WNK1: variants seen among roughly 807,000 people sequenced by gnomAD.
WNK1 encodes WNK lysine deficient protein kinase 1.
Under a neutral mutation model 222.8 loss-of-function variants are expected in WNK1, and 38 were observed. That is an observed-to-expected ratio of 0.17 (90% CI 0.13 to 0.22). WNK1 has a LOEUF of 0.22. Among genes scored for constraint, WNK1 ranks in the 10% least tolerant of loss-of-function variants. The probability of loss-of-function intolerance (pLI) is 1.00; values close to 1 mark genes in which losing one functional copy is unlikely to be tolerated. For synonymous variants in WNK1, 1,090 were observed against 1,092.9 expected, an observed-to-expected ratio of 1.00 and a Z score of 0.05; for missense variants, 2,348 against 2,918.4, an observed-to-expected ratio of 0.80 and a Z score of 4.50.
chr12:843,155 T>G (rs1949760044), intron 4 of WNK1, among the ~76,000 whole-genome samples: 1 of 152,178 alleles, frequency 6.6e-6, no homozygotes, highest in South Asian at 2.1e-4. Context: ...CAGGCTGTTC[T>G]GGAACTCCTG....
At chr12:772,814 A>G (rs1942687091) in intron 1 of WNK1, among the ~76,000 whole-genome samples, 2 of 152,166 alleles carry the variant, frequency 1.3e-5, no homozygotes, top group African/African-American at 4.8e-5. Flanking sequence ...TTTCACTTCC[A>G]GTCTTTGTTC....
rs1955788348 is a variant in WNK1 at position 907,267 on chromosome 12, G to A, written c.6644-580G>A. Among the ~76,000 whole-genome samples the A allele has an allele frequency of 2.0e-5, 3 of 151,076 alleles. No homozygotes were observed. In the South Asian group the frequency reaches 6.3e-4, roughly 32 times the overall value. ...ACCCAGGAGGCAGGGGTTGCAGTTAGGTAGGATCGTACCACTGCACTCCAG... is the reference window on the plus strand; with the variant it reads ...ACCCAGGAGGCAGGGGTTGCAGTTAAGTAGGATCGTACCACTGCACTCCAG... On this transcript the variant is annotated intron_variant, in intron 26 of 27. Transcript: ENST00000315939.
In WNK1 at chr12:895,649, G is replaced by A. The variant is rs184333881; in HGVS notation, c.5584-422G>A. On this transcript the variant is annotated intron_variant, in intron 23 of 27. Coordinates refer to ENST00000315939, the MANE Select transcript of WNK1 (RefSeq NM_018979.4). ...AATTTTTGTATTTTTAGTAGAGACAGGGTTTCACCACGTTGGCCAGGCTGA... is the reference window on the plus strand; with the variant it reads ...AATTTTTGTATTTTTAGTAGAGACAAGGTTTCACCACGTTGGCCAGGCTGA... Among the ~76,000 whole-genome samples the A allele has an allele frequency of 7.0e-3, 1,071 of 152,122 alleles. 9 individuals are homozygous for A. Among genetic ancestry groups the A allele is most frequent in the South Asian group, 0.037 (177 of 4,824 alleles).
chr12:871,432 CCTG>C (rs777771954), intron 9 of WNK1, 84 bp downstream of exon 9: 6 of 1,411,282 alleles, frequency 4.3e-6, no homozygotes, highest in Non-Finnish European at 6.0e-6. Context: ...ATATAAATGG[CCTG>C]CTAAGTTTTT....
At chr12:769,405 C>T (rs1471774175) in intron 1 of WNK1, among the ~76,000 whole-genome samples, 1 of 152,132 alleles carries the variant, frequency 6.6e-6, no homozygotes, top group Non-Finnish European at 1.5e-5. Context: ...GCCATGTTGG[C>T]CAGGCTGGTC....
chr12:885,137 A>C lies in WNK1; in HGVS notation c.4333A>C (p.Thr1445Pro). The change falls in exon 19 of 28, where the codon ACA (threonine) becomes CCA (proline). Residue 1445 changes from threonine to proline, a missense_variant. Transcript: ENST00000315939. ...CACATCTGAGATCGTTGTTTCTAGT[A>C]CAGCACTGTATCCTTCAGTAACAGT... ...TSTSEIVVSS[T>P]ALYPSVTVSA... The C allele has an allele frequency of 3.1e-6, 5 of 1,614,222 alleles. No individual in the cohort carries two copies. Among genetic ancestry groups the C allele is most frequent in the Non-Finnish European group, 4.2e-6 (5 of 1,180,042 alleles).
chr12:797,808 G>A (rs576896019), intron 1 of WNK1, among the ~76,000 whole-genome samples: 1 of 151,850 alleles, frequency 6.6e-6, no homozygotes, highest in Admixed American at 6.6e-5. Flanking sequence ...AATTAGCCGG[G>A]CATGGTGGCG....
intron 1 of WNK1, among the ~76,000 whole-genome samples, chr12:812,039 T>C (rs1052075830): frequency 1.3e-5 from 2 of 152,212 alleles, no homozygotes; most frequent in African/African-American, 4.8e-5. Flanking sequence ...GAAAATTAAA[T>C]ACGGATTTTT....
chr12:754,471 TAGG>T (rs1939668929), intron 1 of WNK1, 147 bp downstream of exon 1: 3 of 972,066 alleles, frequency 3.1e-6, no homozygotes, highest in Non-Finnish European at 4.9e-6. Flanking sequence ...GGGCTGAAAT[TAGG>T]AGAATGTGGA....
At chr12:871,083 G>C (rs553195185) in intron 8 of WNK1, among the ~76,000 whole-genome samples, 182 bp from the exon 9 acceptor site, 1 of 152,318 alleles carries the variant, frequency 6.6e-6, no homozygotes, top group East Asian at 1.9e-4. Flanking sequence ...TGTGTGGTAT[G>C]ATCCTTTTCT....
chr12:900,619 T>C lies in WNK1; in HGVS notation c.6592T>C (p.Phe2198Leu). Residue 2198 changes from phenylalanine to leucine, a missense_variant, in exon 26 of 28, where the codon TTC (phenylalanine) becomes CTC (leucine). This residue lies in a region of WNK1 where 1,144 missense variants were observed against 1,273.6 expected (regional missense o/e 0.90). Transcript: ENST00000315939. ...CTCCAGTGACAACCTCTATTCAGCC[T>C]TCACCAGTGATGGTGCCATTTCAGT... Reference protein sequence around the residue: ...SPSSDNLYSAFTSDGAISVPS... With the variant: ...SPSSDNLYSALTSDGAISVPS... The C allele has an allele frequency of 6.2e-7, 1 of 1,614,230 alleles. No homozygotes were observed. The highest frequency in any genetic ancestry group is 8.5e-7 in the Non-Finnish European group (1 of 1,180,038).
Position 884,683 on chromosome 12 carries a change from C to T in WNK1, c.3879C>T (p.Asn1293=), listed in dbSNP as rs570079182. Residue 1293 remains asparagine (N), a synonymous_variant, in exon 19 of 28, where the codon AAC becomes AAT. Transcript: ENST00000315939. The surrounding 1 kb of genome is among the most constrained non-coding windows in gnomAD (Gnocchi z 5.6). ...CTACAGCTCAGAGCCCTGGAATGAACTTGTCTCACTCTGCATCATCCCTTA... is the reference window on the plus strand; with the variant it reads ...CTACAGCTCAGAGCCCTGGAATGAATTTGTCTCACTCTGCATCATCCCTTA... ...AASTAQSPGM[N]LSHSASSLSL... 1.2e-6 allele frequency: 2 copies of T among 1,614,206 alleles called. No individual in the cohort carries two copies. The highest frequency in any genetic ancestry group is 1.3e-5 in the African/African-American group (1 of 75,044).
At chr12:775,989 T>C (rs756766329) in intron 1 of WNK1, among the ~76,000 whole-genome samples, 2 of 152,192 alleles carry the variant, frequency 1.3e-5, no homozygotes, top group Non-Finnish European at 2.9e-5. Context: ...TCAAACTTTA[T>C]GATTACCTTG....
Position 885,037 on chromosome 12 carries a change from C to A in WNK1, c.4233C>A (p.Ser1411Arg). The A allele has an allele frequency of 1.2e-6, 2 of 1,614,188 alleles. No individual in the cohort carries two copies. The highest frequency in any genetic ancestry group is 1.7e-6 in the Non-Finnish European group (2 of 1,180,034). Residue 1411 changes from serine to arginine, a missense_variant, in exon 19 of 28, where the codon AGC (serine) becomes AGA (arginine). Ser to Arg is a moderately radical substitution (Grantham distance 110, BLOSUM62 -1). Transcript: ENST00000315939. Reference sequence around the variant, plus strand: ...TGTCTGAATCACCAGTACTTTCCAGCGTAGTTTCAAGTATCACAATACCTG... The same window carrying A: ...TGTCTGAATCACCAGTACTTTCCAGAGTAGTTTCAAGTATCACAATACCTG... The part of the protein sequence containing the change: ...PPVSESPVLS[S>R]VVSSITIPAV...
In WNK1 at chr12:764,585, G is replaced by A. The variant is rs1047755352; in HGVS notation, c.759+10261G>A. Among the ~76,000 whole-genome samples, 25 of 120,338 alleles carry A rather than the reference G, an allele frequency of 2.1e-4. 1 individual carries two copies. The highest frequency in any genetic ancestry group is 6.6e-4 in the African/African-American group (22 of 33,546). The allele number at this position is 120,338 out of a possible 152,430, so 78.9% of individuals were successfully genotyped here. A position where few individuals can be genotyped will look rare whatever the true frequency, so the allele number is the denominator to read the frequency against. ...GGGGAGGTGGAGGTTGTGGTGAGCC[G>A]AGATCACAGCATTGCACTCCAGCCT... On this transcript the variant is annotated intron_variant, in intron 1 of 27. Transcript: ENST00000315939.
rs1473714633 is a variant in WNK1, at chr12:883,420, T to C, written c.3515T>C (p.Ile1172Thr). 6.2e-7 allele frequency: 1 copy of C among 1,613,998 alleles called. No homozygotes were observed. Among genetic ancestry groups the C allele is most frequent in the Admixed American group, 1.7e-5 (1 of 60,008 alleles). ...IMVNNDFILA[I>T]ERESFVDQVR... ...GTGAACAATGACTTTATTCTAGCAA[T>C]AGAGAGAGAGTCGTTTGTGGATCAA... The change falls in exon 16 of 28, where the codon ATA (isoleucine) becomes ACA (threonine). Residue 1172 changes from isoleucine (I) to threonine (T), a missense_variant. By Grantham distance (89) the Ile-to-Thr change is moderately conservative. Transcript: ENST00000315939.
In WNK1 at chr12:753,365, G is replaced by C. The variant is rs1478882392; in HGVS notation, c.-201G>C. The C allele has an allele frequency of 1.5e-6, 1 of 672,008 alleles. No homozygotes were observed. The highest frequency in any genetic ancestry group is 2.5e-6 in the Non-Finnish European group (1 of 406,484). 41.6% of individuals were successfully genotyped at this position (672,008 alleles called of 1,614,324 possible). On this transcript the variant is annotated 5_prime_UTR_variant, in exon 1 of 28. Transcript: ENST00000315939. The surrounding 1 kb of genome is among the most constrained non-coding windows in gnomAD (Gnocchi z 5.2). ...CTCCTCGTGAGCCGCAGCAGCCTCG[G>C]TGCCAGCCCCCGCCGCAGCTGGGCC...
chr12:910,637 G>A lies in WNK1; in HGVS notation c.*1845G>A, dbSNP rs1956014809. The A allele has an allele frequency of 6.6e-6, 1 of 152,194 alleles. No individual in the cohort carries two copies. The highest frequency in any genetic ancestry group is 2.1e-4 in the South Asian group (1 of 4,832). The allele number at this position is 152,194 out of a possible 1,614,324, so 9.4% of individuals were successfully genotyped here. On this transcript the variant is annotated 3_prime_UTR_variant, in exon 28 of 28. Coordinates refer to ENST00000315939, the MANE Select transcript of WNK1 (RefSeq NM_018979.4). ...ATTTTGGGGTGCTTCTTGACTCTTA[G>A]TTGGGAAACTGAAAATATTTCCAAC...
intron 1 of WNK1, among the ~76,000 whole-genome samples, chr12:775,274 A>T (rs979641722): frequency 6.6e-6 from 1 of 152,216 alleles, no homozygotes; most frequent in Non-Finnish European, 1.5e-5. Context: ...GTAGAGAGTA[A>T]ATTAAGACAT....
Sources: gnomAD v4.1 joint callset for allele counts (sites outside exome capture counted in the v4.1 genomes callset) on GRCh38, gnomAD v4.1.1 for gene constraint, gnomAD v4.1.1 regional missense constraint, Gnocchi (gnomAD v3.1) non-coding constraint, MANE v1.5 for transcripts, NCBI Gene and HGNC (gene_info 2026-07-23, HGNC 2026-07-21) for gene names.